The following STIM1 variants were observed in gnomAD, a reference collection of about 807,000 sequenced individuals.
STIM1 encodes the protein stromal interaction molecule 1.
In STIM1, 25 loss-of-function variants were observed where a neutral mutation model predicts 74.7. That is an observed-to-expected ratio of 0.33 (90% CI 0.24 to 0.47). The LOEUF (loss-of-function observed/expected upper bound fraction) is 0.47, where lower values mean the gene tolerates loss of function less well. STIM1 is among the 20% of genes least tolerant of loss of function. The probability of loss-of-function intolerance (pLI) is 1.00; values close to 1 mark genes in which losing one functional copy is unlikely to be tolerated. For missense variants in STIM1, 728 were observed against 920.8 expected, an observed-to-expected ratio of 0.79 and a Z score of 2.71; for synonymous variants, 328 against 348.8, an observed-to-expected ratio of 0.94 and a Z score of 0.66.
chr11:3,921,215 T>G (rs753185171), intron 1 of STIM1, among the ~76,000 whole-genome samples: 1 of 152,230 alleles, frequency 6.6e-6, no homozygotes, highest in South Asian at 2.1e-4. Context: ...TAATTTTGAT[T>G]TAGCATCCCC....
chr11:3,948,403 C>G (rs1255404491), intron 1 of STIM1, among the ~76,000 whole-genome samples: 5 of 151,778 alleles, frequency 3.3e-5, no homozygotes, highest in Non-Finnish European at 7.4e-5. Context: ...TGAGGAGAAC[C>G]TAATATTTAT....
At chr11:4,086,100 G>A in intron 11 of STIM1, 1 of 247,250 alleles carries the variant, frequency 4.0e-6, no homozygotes, top group Non-Finnish European at 7.9e-6. Context: ...TGTCTATGCT[G>A]TGAATTATTT....
chr11:4,001,343 C>T (rs1232451902), intron 2 of STIM1, among the ~76,000 whole-genome samples: 4 of 151,788 alleles, frequency 2.6e-5, no homozygotes, highest in African/African-American at 9.7e-5. Flanking sequence ...AGAGAAAGGT[C>T]GGGTTACCTT....
intron 11 of STIM1, 103 bp from the exon 12 acceptor site, chr11:4,086,374 G>T: frequency 7.4e-7 from 1 of 1,354,660 alleles, no homozygotes; most frequent in Non-Finnish European, 1.0e-6. Flanking sequence ...TGGCATTAGA[G>T]GCCCAGGGTG....
At position 3,967,613 on chromosome 11, in the gene STIM1, A is replaced by T. The variant is rs200194500; in HGVS notation, c.201A>T (p.Ala67=). ...HSEDEKLSFE[A]VRNIHKLMDD... is the part of the protein sequence containing the mutation. ...AGGATGAGAAACTCAGCTTCGAGGC[A>T]GTCCGTAACATCCACAAACTGATGG... The change falls in exon 2 of 13, where the codon GCA becomes GCT. Residue 67 remains alanine, a synonymous_variant. Transcript: ENST00000526596. The T allele has an allele frequency of 1.9e-6, 3 of 1,614,254 alleles. No homozygotes were observed. Among genetic ancestry groups the T allele is most frequent in the Non-Finnish European group, 2.5e-6 (3 of 1,180,042 alleles).
At chr11:4,027,550 A>G (rs1053498356) in intron 3 of STIM1, among the ~76,000 whole-genome samples, 1 of 152,102 alleles carries the variant, frequency 6.6e-6, no homozygotes, top group Non-Finnish European at 1.5e-5. Flanking sequence ...TCTTGACCTC[A>G]TTATCTGCCC....
intron 2 of STIM1, among the ~76,000 whole-genome samples, chr11:3,991,950 C>CAAAAAAAAAAAAAAAAAAAAAAAAAA (rs1230185435): frequency 8.2e-5 from 3 of 36,702 alleles, no homozygotes; most frequent in African/African-American, 4.1e-4. Context: ...AACTCCATCT[C>CAAAAAAAAAAAAAAAAAAAAAAAAAA]AAAAAAAAAA....
chr11:3,915,421 G>A (rs7114922), intron 1 of STIM1, among the ~76,000 whole-genome samples: 79,294 of 147,018 alleles, frequency 0.54, 22,365 homozygotes, highest in African/African-American at 0.74. Flanking sequence ...TTTTTGAGAC[G>A]GAGCCTTGCT....
intron 2 of STIM1, among the ~76,000 whole-genome samples, chr11:3,968,963 G>T (rs1231908901): frequency 6.6e-6 from 1 of 152,212 alleles, no homozygotes; most frequent in Non-Finnish European, 1.5e-5. Flanking sequence ...GGGACACAGT[G>T]AATATCAGTG....
intron 1 of STIM1, among the ~76,000 whole-genome samples, chr11:3,861,226 A>C (rs1277753765): frequency 1.3e-5 from 2 of 150,834 alleles, no homozygotes; most frequent in African/African-American, 2.4e-5. Flanking sequence ...GTGATCTAGT[A>C]GTGGTTCTAT....
At chr11:4,008,113 C>T (rs2093800894) in intron 2 of STIM1, among the ~76,000 whole-genome samples, 1 of 152,012 alleles carries the variant, frequency 6.6e-6, no homozygotes, top group South Asian at 2.1e-4. Flanking sequence ...CAATGTGGTT[C>T]CATAAGATTA....
chr11:4,046,578 A>T (rs1026746752), intron 3 of STIM1, among the ~76,000 whole-genome samples: 49 of 152,234 alleles, frequency 3.2e-4, no homozygotes, highest in African/African-American at 1.1e-3. Context: ...ACTTTATTTT[A>T]TTCAGGATGT....
At chr11:4,040,832 T>C (rs1165502770) in intron 3 of STIM1, among the ~76,000 whole-genome samples, 1 of 152,236 alleles carries the variant, frequency 6.6e-6, no homozygotes, top group Non-Finnish European at 1.5e-5. Context: ...TGGTCTTTAA[T>C]AGCATGTCCT....
chr11:4,061,476 A>G (rs549289729), intron 5 of STIM1, among the ~76,000 whole-genome samples: 1 of 152,366 alleles, frequency 6.6e-6, no homozygotes, highest in East Asian at 1.9e-4. Context: ...TAATAATAAT[A>G]GTTTTTAAAA....
chr11:3,981,752 T>G (rs1348863055), intron 2 of STIM1, among the ~76,000 whole-genome samples: 2 of 152,208 alleles, frequency 1.3e-5, no homozygotes, highest in African/African-American at 2.4e-5. Context: ...CCCTATGTTA[T>G]GAATCATGTG....
chr11:4,002,255 A>G (rs1407600772), intron 2 of STIM1, among the ~76,000 whole-genome samples: 1 of 151,506 alleles, frequency 6.6e-6, no homozygotes, highest in East Asian at 1.9e-4. Flanking sequence ...CATCTACAGA[A>G]CTCTCCACCC....
intron 2 of STIM1, among the ~76,000 whole-genome samples, chr11:3,985,060 A>G (rs904236504): frequency 1.1e-4 from 16 of 152,190 alleles, no homozygotes; most frequent in South Asian, 6.2e-4. Flanking sequence ...ATAGTTTGCA[A>G]TCTGTCCCAG....
In STIM1 at chr11:4,082,873, T is replaced by C. The variant is rs58461583; in HGVS notation, c.1138-9T>C. On this transcript the variant is annotated splice_polypyrimidine_tract_variant and intron_variant, in intron 8 of 12. Coordinates refer to ENST00000526596, the MANE Select transcript of STIM1 (RefSeq NM_001382567.1). The stretch of plus-strand genomic sequence containing the variant: ...TGCTCTTTTTGAGCTGGGGGCCTCA[T>C]CTTTGCAGGCTGAGAAGATAAAAAA... 0.011 allele frequency: 17,960 copies of C among 1,613,658 alleles called. 1,031 individuals are homozygous for C. In the African/African-American group the frequency reaches 0.16, roughly 14 times the overall value.
intron 3 of STIM1, among the ~76,000 whole-genome samples, chr11:4,039,059 G>T (rs771741836): frequency 1.3e-4 from 20 of 152,102 alleles, no homozygotes; most frequent in Non-Finnish European, 1.9e-4. Flanking sequence ...TAGGAGTAGC[G>T]ATAAGCTTAG....
Sources: gnomAD v4.1 joint callset for allele counts (sites outside exome capture counted in the v4.1 genomes callset) on GRCh38, gnomAD v4.1.1 for gene constraint, MANE v1.5 for transcripts, NCBI Gene and HGNC (gene_info 2026-07-23, HGNC 2026-07-21) for gene names.